The following SLC24A2 variants were observed in gnomAD, a reference collection of about 807,000 sequenced individuals.
SLC24A2 encodes the protein solute carrier family 24 member 2, also known as sodium/potassium/calcium exchanger 2.
SLC24A2 carries 36 observed loss-of-function variants against 62.0 expected under a neutral mutation model. The ratio of observed to expected loss-of-function variants is 0.58; its 90% CI spans 0.44 to 0.77. The LOEUF (loss-of-function observed/expected upper bound fraction) is 0.77. Among genes scored for constraint, SLC24A2 ranks in the 30% least tolerant of loss-of-function variants. SLC24A2 has a pLI of 0.00. For missense variants in SLC24A2, 846 were observed against 817.9 expected (o/e 1.03, Z -0.42); for synonymous variants, 358 against 294.0 (o/e 1.22, Z -2.23).
At chr9:20,032,903 G>A in the SLC24A2 span, among the ~76,000 whole-genome samples, 1 of 152,166 alleles carries the variant, frequency 6.6e-6, no homozygotes, top group African/African-American at 2.4e-5. Context: ...CCCAGCGGCT[G>A]ACCGAAAACT....
the SLC24A2 span, among the ~76,000 whole-genome samples, chr9:20,183,728 G>A: frequency 6.6e-6 from 1 of 152,212 alleles, no homozygotes; most frequent in African/African-American, 2.4e-5. Context: ...TGAAAGCATA[G>A]ACTCAAGACA....
chr9:19,596,532 G>A (rs1321741523), intron 5 of SLC24A2, among the ~76,000 whole-genome samples: 1 of 152,106 alleles, frequency 6.6e-6, no homozygotes, highest in East Asian at 1.9e-4. Flanking sequence ...GATTCTTCCT[G>A]GGACAAGGCT....
chr9:20,298,435 G>T, the SLC24A2 span, among the ~76,000 whole-genome samples: 3 of 152,130 alleles, frequency 2.0e-5, no homozygotes, highest in East Asian at 5.8e-4. Flanking sequence ...CATCACGTTG[G>T]CCTGGCTGGT....
intron 2 of SLC24A2, among the ~76,000 whole-genome samples, chr9:19,762,541 C>T (rs1587286289): frequency 6.6e-6 from 1 of 152,158 alleles, no homozygotes; most frequent in African/African-American, 2.4e-5. Flanking sequence ...AGCCAGTTTT[C>T]CCAACACCAT....
the SLC24A2 span, among the ~76,000 whole-genome samples, chr9:19,870,510 C>T: frequency 6.6e-6 from 1 of 152,068 alleles, no homozygotes; most frequent in Admixed American, 6.6e-5. Context: ...TTTCATTTCT[C>T]TTGGGTATAT....
intron 2 of SLC24A2, among the ~76,000 whole-genome samples, chr9:19,636,405 C>CTCTCTCTT (rs1207202326): frequency 1.7e-4 from 13 of 77,382 alleles, no homozygotes; most frequent in Admixed American, 5.0e-4. Flanking sequence ...CTCTCTCTCT[C>CTCTCTCTT]TCTTTCTTTC....
chr9:19,925,323 A>T, the SLC24A2 span, among the ~76,000 whole-genome samples: 2 of 152,212 alleles, frequency 1.3e-5, no homozygotes, highest in Admixed American at 1.3e-4. Flanking sequence ...TCATATATAT[A>T]GGCACAGACA....
chr9:19,803,486 C>T, the SLC24A2 span, among the ~76,000 whole-genome samples: 1 of 151,960 alleles, frequency 6.6e-6, no homozygotes, highest in Non-Finnish European at 1.5e-5. Context: ...ATAGTTGTAC[C>T]AGTGTAACGT....
chr9:19,746,029 C>G (rs980243047), intron 2 of SLC24A2, among the ~76,000 whole-genome samples: 2 of 151,702 alleles, frequency 1.3e-5, no homozygotes, highest in African/African-American at 2.4e-5. Context: ...GAAAAGACTA[C>G]AGAAGAAAGT....
chr9:20,083,513 A>T, the SLC24A2 span, among the ~76,000 whole-genome samples: 1 of 152,344 alleles, frequency 6.6e-6, no homozygotes, highest in East Asian at 1.9e-4. Flanking sequence ...GATCCCAACA[A>T]TGTGGCCTCA....
At chr9:19,653,650 T>C (rs1369494185) in intron 2 of SLC24A2, among the ~76,000 whole-genome samples, 4 of 152,252 alleles carry the variant, frequency 2.6e-5, no homozygotes, top group African/African-American at 9.6e-5. Flanking sequence ...GAGTTGAGTT[T>C]AGACTTTTAT....
intron 2 of SLC24A2, among the ~76,000 whole-genome samples, chr9:19,705,109 T>C (rs1476401530): frequency 6.6e-6 from 1 of 152,224 alleles, no homozygotes; most frequent in Non-Finnish European, 1.5e-5. Flanking sequence ...CATATGATGG[T>C]AAGAAAAGGA....
At position 19,514,965 on chromosome 9, in the gene SLC24A2, G is replaced by A. The variant is rs894733997; in HGVS notation, c.*1188C>T. ...GCCCTTTATGACTACACTGGAAAAC[G>A]TTTTAAAGAACTATGCCCTTACATC... On this transcript the variant is annotated 3_prime_UTR_variant, in exon 11 of 11. Coordinates refer to ENST00000341998, the MANE Select transcript of SLC24A2 (RefSeq NM_020344.4). 6 of 152,122 alleles carry A rather than the reference G, an allele frequency of 3.9e-5. No individual in the cohort carries two copies. The highest frequency in any genetic ancestry group is 5.9e-5 in the Non-Finnish European group (4 of 68,018). The allele number at this position is 152,122 out of a possible 1,614,324, so 9.4% of individuals were successfully genotyped here.
chr9:19,742,790 G>A (rs1821718680), intron 2 of SLC24A2, among the ~76,000 whole-genome samples: 1 of 152,116 alleles, frequency 6.6e-6, no homozygotes, highest in Non-Finnish European at 1.5e-5. Context: ...ACATACACCT[G>A]TCCTCAGGAA....
chr9:19,540,840 C>T (rs1229784373), intron 8 of SLC24A2, among the ~76,000 whole-genome samples: 1 of 59,010 alleles, frequency 1.7e-5, no homozygotes, highest in Admixed American at 2.0e-4. Flanking sequence ...CTTTCAGGTA[C>T]ACCAATCAGA....
the SLC24A2 span, among the ~76,000 whole-genome samples, chr9:20,073,335 T>A: frequency 6.6e-6 from 1 of 152,216 alleles, no homozygotes; most frequent in African/African-American, 2.4e-5. Context: ...AAAGGGCTCA[T>A]CTGATTAAGT....
chr9:19,545,951 A>C (rs1834543831), intron 8 of SLC24A2, among the ~76,000 whole-genome samples: 1 of 152,070 alleles, frequency 6.6e-6, no homozygotes, highest in Admixed American at 6.6e-5. Context: ...TTTCCTTCTA[A>C]CAGGACCCTG....
Position 19,588,372 on chromosome 9 carries a change from A to G in SLC24A2, c.1129+8857T>C, listed in dbSNP as rs375663734. 1.1e-4 allele frequency among the ~76,000 whole-genome samples: 16 copies of G among 152,182 alleles called. No homozygotes were observed. In the East Asian group the frequency reaches 2.1e-3, roughly 20 times the overall value. On this transcript the variant is annotated intron_variant, in intron 5 of 10. Transcript: ENST00000341998. ...CTCTCTGCTTTGGTAATTGCAAGGT[A>G]GAAAGTCAACTTGCAGTGTGCTTCT...
At chr9:20,084,239 TG>T in the SLC24A2 span, among the ~76,000 whole-genome samples, 1 of 152,210 alleles carries the variant, frequency 6.6e-6, no homozygotes, top group Non-Finnish European at 1.5e-5. Flanking sequence ...TACACAATCA[TG>T]TTGTTAAAAC....
Sources: allele counts gnomAD v4.1 joint callset (sites outside exome capture counted in the v4.1 genomes callset), GRCh38; gene constraint gnomAD v4.1.1; transcripts MANE v1.5; gene names NCBI Gene and HGNC (gene_info 2026-07-23, HGNC 2026-07-21).